The following ZZZ3 variants were observed in gnomAD, a reference collection of about 807,000 sequenced individuals.
ZZZ3 encodes the protein ZZ-type zinc finger-containing protein 3.
In ZZZ3, 22 loss-of-function variants were observed where a neutral mutation model predicts 95.2. That is an observed-to-expected ratio of 0.23 (90% CI 0.17 to 0.33). The LOEUF is 0.33. ZZZ3 is among the 10% of genes least tolerant of loss of function. The probability of loss-of-function intolerance (pLI) is 1.00; values close to 1 mark genes in which losing one functional copy is unlikely to be tolerated. For missense variants in ZZZ3, 885 were observed against 1,066.5 expected, an observed-to-expected ratio of 0.83 and a Z score of 2.37; for synonymous variants, 335 against 358.9, an observed-to-expected ratio of 0.93 and a Z score of 0.75.
chr1:77,612,916 T>A (rs1003734099), intron 5 of ZZZ3, among the ~76,000 whole-genome samples: 1 of 152,020 alleles, frequency 6.6e-6, no homozygotes, highest in African/African-American at 2.4e-5. Flanking sequence ...TTAGAGATTT[T>A]TATTAAGTAA....
chr1:77,572,958 T>A (rs1371104903), intron 12 of ZZZ3, among the ~76,000 whole-genome samples: 1 of 152,090 alleles, frequency 6.6e-6, no homozygotes, highest in East Asian at 1.9e-4. Flanking sequence ...ATTGTACTTT[T>A]TTTAAGTACT....
At chr1:77,634,118 C>T (rs577762759) in intron 4 of ZZZ3, among the ~76,000 whole-genome samples, 6 of 151,752 alleles carry the variant, frequency 4.0e-5, no homozygotes, top group East Asian at 3.9e-4. Context: ...TGCAGTGAGC[C>T]GAGATCATGC....
intron 1 of ZZZ3, among the ~76,000 whole-genome samples, chr1:77,670,278 G>A (rs1293020117): frequency 2.0e-5 from 3 of 151,060 alleles, no homozygotes; most frequent in Admixed American, 6.6e-5. Flanking sequence ...TTTTTGGGGG[G>A]GGGCAGAGTC....
chr1:77,677,153 A>T (rs1211921728), intron 1 of ZZZ3: 1 of 152,166 alleles, frequency 6.6e-6, no homozygotes, highest in African/African-American at 2.4e-5. Context: ...AGCCTGACTA[A>T]CATGGTGAAA....
intron 1 of ZZZ3, among the ~76,000 whole-genome samples, chr1:77,680,620 G>A (rs80009353): frequency 6.6e-6 from 1 of 152,126 alleles, no homozygotes; most frequent in Non-Finnish European, 1.5e-5. Context: ...CTTACAAAAT[G>A]ATAGCCGCTT....
At chr1:77,623,275 G>A (rs981437715) in intron 5 of ZZZ3, among the ~76,000 whole-genome samples, 2 of 152,058 alleles carry the variant, frequency 1.3e-5, no homozygotes, top group Admixed American at 1.3e-4. Flanking sequence ...AGAATTTGTG[G>A]GACGGAGTAT....
At chr1:77,604,014 TA>T (rs1664990593) in intron 5 of ZZZ3, among the ~76,000 whole-genome samples, 1 of 151,996 alleles carries the variant, frequency 6.6e-6, no homozygotes, top group Non-Finnish European at 1.5e-5. Flanking sequence ...AAAAAAAATT[TA>T]AAAATTACTG....
intron 4 of ZZZ3, 107 bp downstream of exon 4, chr1:77,639,342 A>C: frequency 1.2e-6 from 1 of 867,846 alleles, no homozygotes; most frequent in Non-Finnish European, 1.6e-6. Context: ...ACAAGTTGCC[A>C]CCCAGAGGAT....
At chr1:77,598,441 A>G (rs906651785) in intron 5 of ZZZ3, among the ~76,000 whole-genome samples, 3 of 152,124 alleles carry the variant, frequency 2.0e-5, no homozygotes, top group Non-Finnish European at 4.4e-5. Flanking sequence ...AAATTTGCAC[A>G]TAAGTGGACC....
At chr1:77,644,574 G>A (rs553112917) in intron 1 of ZZZ3, among the ~76,000 whole-genome samples, 1 of 152,318 alleles carries the variant, frequency 6.6e-6, no homozygotes, top group South Asian at 2.1e-4. Context: ...GGATTTGGTG[G>A]AAGGAGACAG....
intron 1 of ZZZ3, among the ~76,000 whole-genome samples, chr1:77,681,761 G>C (rs574322372): frequency 1.8e-4 from 28 of 152,160 alleles, no homozygotes; most frequent in African/African-American, 6.0e-4. Context: ...GCGTGGTGAA[G>C]CGCGACTGTA....
At chr1:77,621,669 T>TCC (rs1267315647) in intron 5 of ZZZ3, among the ~76,000 whole-genome samples, 4 of 150,632 alleles carry the variant, frequency 2.7e-5, no homozygotes, top group Non-Finnish European at 5.9e-5. Flanking sequence ...ATATAAAAAT[T>TCC]AGCCACGTGT....
rs1440586406 is a variant in ZZZ3, at chr1:77,563,059, A to C, written c.*2581T>G. The C allele has an allele frequency of 6.6e-6, 1 of 152,222 alleles. No homozygotes were observed. Among genetic ancestry groups the C allele is most frequent in the African/African-American group, 2.4e-5 (1 of 41,450 alleles). The allele number at this position is 152,222 out of a possible 1,614,324, so 9.4% of individuals were successfully genotyped here. ...ATCATATGCTTGCTTGGCACATAGTAAACACTGTATCAGTGTTTTCTATTA... is the reference window on the plus strand; with the variant it reads ...ATCATATGCTTGCTTGGCACATAGTCAACACTGTATCAGTGTTTTCTATTA... On this transcript the variant is annotated 3_prime_UTR_variant, in exon 15 of 15. Transcript: ENST00000370801.
chr1:77,672,488 G>A (rs1471128212), intron 1 of ZZZ3, among the ~76,000 whole-genome samples: 1 of 152,164 alleles, frequency 6.6e-6, no homozygotes, highest in Non-Finnish European at 1.5e-5. Context: ...GTTTTTGTCT[G>A]TTCATTTTGT....
intron 12 of ZZZ3, 135 bp downstream of exon 12, chr1:77,575,933 G>GTA (rs1661890499): frequency 3.1e-6 from 2 of 650,348 alleles, no homozygotes; most frequent in South Asian, 8.0e-5. Context: ...CCTCACAAAA[G>GTA]TACATTACTT....
intron 1 of ZZZ3, among the ~76,000 whole-genome samples, chr1:77,677,860 T>C (rs934066370): frequency 2.6e-5 from 4 of 152,112 alleles, no homozygotes; most frequent in Non-Finnish European, 4.4e-5. Flanking sequence ...ATGGAAGAAA[T>C]ATATCAAAAT....
intron 1 of ZZZ3, among the ~76,000 whole-genome samples, chr1:77,646,619 G>A (rs1309547714): frequency 2.6e-5 from 4 of 152,068 alleles, no homozygotes; most frequent in Admixed American, 2.6e-4. Flanking sequence ...TATGCTTCTT[G>A]CCAACATAGA....
chr1:77,568,470 T>TAAA lies in ZZZ3; in HGVS notation c.2332-5_2332-4insTTT. The TAAA allele has an allele frequency of 7.0e-6, 3 of 425,658 alleles. No homozygotes were observed. The highest frequency in any genetic ancestry group is 7.2e-5 in the South Asian group (1 of 13,858). 26.4% of individuals were successfully genotyped at this position (425,658 alleles called of 1,614,324 possible). A position where few individuals can be genotyped will look rare whatever the true frequency, so the allele number is the denominator to read the frequency against. On this transcript the variant is annotated splice_region_variant and splice_polypyrimidine_tract_variant and intron_variant, in intron 12 of 14. Transcript: ENST00000370801. ...TGATAGGAATACTTTCGTCATCCTA[T>TAAA]CAAAAAAAAAAAAAAAAAAAAATGT...
At chr1:77,587,678 T>C (rs1356254957) in intron 5 of ZZZ3, among the ~76,000 whole-genome samples, 1 of 152,128 alleles carries the variant, frequency 6.6e-6, no homozygotes, top group Non-Finnish European at 1.5e-5. Context: ...GGTTCATAAA[T>C]AGACAAGATG....
Sources: allele counts gnomAD v4.1 joint callset (sites outside exome capture counted in the v4.1 genomes callset), GRCh38; gene constraint gnomAD v4.1.1; transcripts MANE v1.5; gene names NCBI Gene and HGNC (gene_info 2026-07-23, HGNC 2026-07-21).